Variants in INTS4 observed in about 807,000 individuals in gnomAD.
INTS4 encodes MSTP093.
INTS4 carries 70 observed loss-of-function variants against 119.5 expected under a neutral mutation model. The observed-to-expected ratio is 0.59, with a 90% CI of 0.48 to 0.71. INTS4 has a LOEUF of 0.71. INTS4 is among the 30% of genes least tolerant of loss of function. INTS4 has a pLI of 0.00. For synonymous variants in INTS4, 316 were observed against 419.6 expected, an observed-to-expected ratio of 0.75 and a Z score of 3.02; for missense variants, 867 against 1,173.2, an observed-to-expected ratio of 0.74 and a Z score of 3.81.
chr11:77,956,132 G>C (rs1954315045), intron 7 of INTS4, 70 bp from the exon 8 acceptor site: 1 of 1,526,986 alleles, frequency 6.5e-7, no homozygotes, highest in Non-Finnish European at 8.8e-7. Flanking sequence ...GCTCAGGCCA[G>C]GCACAGTGGC....
rs548572302 is a variant in INTS4, at chr11:77,960,209, C to T, written c.708+132G>A. ...AAAGTATGTTTTGAATATGACTTCA[C>T]ATCCATCCCAATCAACGCTGCCACT... is the stretch of plus-strand genomic sequence containing the variant. On this transcript the variant is annotated intron_variant, in intron 6 of 22. Transcript: ENST00000534064. The T allele has an allele frequency of 1.3e-5, 8 of 622,726 alleles. No homozygotes were observed. The South Asian group carries it at 1.4e-4, about 11-fold the overall frequency. The allele number at this position is 622,726 out of a possible 1,614,324, so 38.6% of individuals were successfully genotyped here. A position where few individuals can be genotyped will look rare whatever the true frequency, so the allele number is the denominator to read the frequency against.
intron 16 of INTS4, among the ~76,000 whole-genome samples, chr11:77,906,210 A>G (rs1271121983): frequency 3.9e-5 from 6 of 152,174 alleles, no homozygotes; most frequent in African/African-American, 1.4e-4. Context: ...TTTTGGGTAC[A>G]TAACATTACA....
chr11:77,938,823 C>G lies in INTS4; in HGVS notation c.993G>C (p.Arg331Ser). ...LDKKLMSDLR[R>S]KRTAHERAKE... ...TGGCACGCTCATGTGCAGTACGTTT[C>G]CTCTGCAGAGGACAACAACAATTAC... The change falls in exon 10 of 23, where the codon AGG (arginine) becomes AGC (serine). Residue 331 changes from arginine (R) to serine (S), a missense_variant and splice_region_variant. Physicochemically the swap from Arg to Ser is moderately radical, Grantham distance 110. Coordinates refer to ENST00000534064, the MANE Select transcript of INTS4 (RefSeq NM_033547.4). 1.9e-6 allele frequency: 3 copies of G among 1,610,166 alleles called. No homozygotes were observed. The East Asian group carries it at 6.7e-5, about 36-fold the overall frequency.
rs181363202 is a variant in INTS4, at chr11:77,992,133, C to T, written c.55-834G>A. Among the ~76,000 whole-genome samples, 246 of 152,160 alleles carry T rather than the reference C, an allele frequency of 1.6e-3. 1 individual carries two copies. Among genetic ancestry groups the T allele is most frequent in the African/African-American group, 5.6e-3 (234 of 41,532 alleles). On this transcript the variant is annotated intron_variant, in intron 1 of 22. Coordinates refer to ENST00000534064, the MANE Select transcript of INTS4 (RefSeq NM_033547.4). ...AAATATCAGACATGGCATGGTGGCT[C>T]ATGCCTGTAATCCCAGCACTTTGAG...
chr11:77,983,429 A>C (rs1032626986), intron 2 of INTS4, among the ~76,000 whole-genome samples: 1 of 152,308 alleles, frequency 6.6e-6, no homozygotes, highest in South Asian at 2.1e-4. Context: ...TAAGTTGTAA[A>C]GTTAGATTCT....
chr11:77,927,455 A>G (rs969921717), intron 11 of INTS4, among the ~76,000 whole-genome samples: 22 of 152,198 alleles, frequency 1.4e-4, no homozygotes, highest in African/African-American at 5.1e-4. Flanking sequence ...TATCCCTTTC[A>G]CATCTGAACC....
Position 77,918,934 on chromosome 11 carries a change from G to T in INTS4, c.1809C>A (p.Ile603=). Residue 603 remains isoleucine (I), a synonymous_variant, in exon 15 of 23, where the codon ATC becomes ATA. Transcript: ENST00000534064. ...KLVSSAVSPS[I]IPQEDPSQQF... The stretch of plus-strand genomic sequence containing the variant: ...GCTGGGAAGGATCCTCTTGAGGTAT[G>T]ATGCTGGGAGAAACAGCTGATGACA... 1 of 1,613,984 alleles carries T rather than the reference G, an allele frequency of 6.2e-7. No individual in the cohort carries two copies. The highest frequency in any genetic ancestry group is 8.5e-7 in the Non-Finnish European group (1 of 1,179,872).
At position 77,961,156 on chromosome 11, in the gene INTS4, A is replaced by AG. The variant is rs771700478; in HGVS notation, c.472-19_472-18insC. On this transcript the variant is annotated intron_variant, in intron 4 of 22. Coordinates refer to ENST00000534064, the MANE Select transcript of INTS4 (RefSeq NM_033547.4). ...GTCAGATGCTATTAAAAAAAAAAAA[A>AG]AAAAGAAAAAAAGAAAAAGAAAAAA... The AG allele has an allele frequency of 1.6e-5, 25 of 1,537,174 alleles. No individual in the cohort carries two copies. Among genetic ancestry groups the AG allele is most frequent in the East Asian group, 2.3e-5 (1 of 43,640 alleles).
intron 15 of INTS4, among the ~76,000 whole-genome samples, chr11:77,910,191 G>C (rs377606773): frequency 1.4e-4 from 21 of 152,152 alleles, no homozygotes; most frequent in African/African-American, 4.3e-4. Context: ...TTGGAACCAA[G>C]CCAAATGTCC....
intron 15 of INTS4, among the ~76,000 whole-genome samples, chr11:77,908,938 G>A (rs1290039273): frequency 6.6e-6 from 1 of 152,156 alleles, no homozygotes; most frequent in Non-Finnish European, 1.5e-5. Flanking sequence ...TTGTTCAAGG[G>A]AACATGTCCC....
At position 77,961,143 on chromosome 11, in the gene INTS4, T is replaced by TAAAAAAAAAA. The variant is rs11370501; in HGVS notation, c.472-15_472-6dup. On this transcript the variant is annotated splice_region_variant and splice_polypyrimidine_tract_variant and intron_variant, in intron 4 of 22. Coordinates refer to ENST00000534064, the MANE Select transcript of INTS4 (RefSeq NM_033547.4). The stretch of plus-strand genomic sequence containing the variant: ...ATGAGACGTATCTGTCAGATGCTAT[T>TAAAAAAAAAA]AAAAAAAAAAAAAAAAAGAAAAAAA... The TAAAAAAAAAA allele has an allele frequency of 6.3e-5, 77 of 1,216,314 alleles. No homozygotes were observed. Among genetic ancestry groups the TAAAAAAAAAA allele is most frequent in the South Asian group, 3.0e-4 (11 of 36,730 alleles). 75.3% of individuals were successfully genotyped at this position (1,216,314 alleles called of 1,614,324 possible).
intron 21 of INTS4, among the ~76,000 whole-genome samples, chr11:77,886,751 C>G (rs190475769): frequency 1.8e-3 from 258 of 144,332 alleles, no homozygotes; most frequent in African/African-American, 5.9e-3. Flanking sequence ...GGGAGGCGCC[C>G]GGCGAGGGGG....
intron 3 of INTS4, among the ~76,000 whole-genome samples, chr11:77,980,615 G>A (rs1238623773): frequency 1.3e-5 from 2 of 152,154 alleles, no homozygotes; most frequent in Admixed American, 6.5e-5. Context: ...CTGGGCTCAA[G>A]GGATCCTCCC....
intron 19 of INTS4, among the ~76,000 whole-genome samples, chr11:77,893,687 G>A (rs1441300214): frequency 1.3e-5 from 2 of 152,100 alleles, no homozygotes; most frequent in Non-Finnish European, 2.9e-5. Context: ...GAGGTCAGGA[G>A]TTAGAGACCA....
At chr11:77,904,004 G>T (rs1477808900) in intron 16 of INTS4, among the ~76,000 whole-genome samples, 1 of 152,166 alleles carries the variant, frequency 6.6e-6, no homozygotes, top group Non-Finnish European at 1.5e-5. Context: ...CTTAACTGTG[G>T]TTCTTTTTTC....
intron 18 of INTS4, among the ~76,000 whole-genome samples, chr11:77,896,242 T>C (rs1187818149): frequency 1.3e-5 from 2 of 150,908 alleles, no homozygotes; most frequent in East Asian, 3.9e-4. Flanking sequence ...AGGAAAAAAA[T>C]AGTAGAGAAG....
intron 2 of INTS4, among the ~76,000 whole-genome samples, chr11:77,988,325 G>A (rs755139448): frequency 1.3e-5 from 2 of 152,182 alleles, no homozygotes; most frequent in Non-Finnish European, 2.9e-5. Flanking sequence ...ATATATATTT[G>A]TTGAGTAAAA....
In INTS4 at chr11:77,979,082, G is replaced by A; in HGVS notation, c.385C>T (p.Gln129Ter). ...QNEKSHQVLAQLLDTLLAIGT... is the reference protein window; with the variant it reads ...QNEKSHQVLA Reference sequence around the variant, plus strand: ...ATTGCAAGCAAAGTATCCAGCAGTTGAGCTAGGACTTGATGAGACTCTAGA... The same window carrying A: ...ATTGCAAGCAAAGTATCCAGCAGTTAAGCTAGGACTTGATGAGACTCTAGA... The change falls in exon 4 of 23, where the codon CAA (glutamine) becomes TAA (stop). Residue 129 changes from glutamine to a stop codon, truncating the protein, a stop_gained. Coordinates refer to ENST00000534064, the MANE Select transcript of INTS4 (RefSeq NM_033547.4). LOFTEE classifies it high-confidence loss of function. 1 of 1,611,138 alleles carries A rather than the reference G, an allele frequency of 6.2e-7. No individual in the cohort carries two copies.
At chr11:77,965,540 T>G (rs980547099) in intron 4 of INTS4, among the ~76,000 whole-genome samples, 6 of 152,126 alleles carry the variant, frequency 3.9e-5, no homozygotes, top group African/African-American at 1.4e-4. Flanking sequence ...TCTCTTTGAG[T>G]TCAACTTTTT....
Sources: allele counts gnomAD v4.1 joint callset (sites outside exome capture counted in the v4.1 genomes callset), GRCh38; gene constraint gnomAD v4.1.1; transcripts MANE v1.5; gene names NCBI Gene and HGNC (gene_info 2026-07-23, HGNC 2026-07-21).